The following PRKAR2B variants were observed in gnomAD, a reference collection of about 807,000 sequenced individuals.
PRKAR2B encodes protein kinase cAMP-dependent type II regulatory subunit beta.
A neutral mutation model predicts 49.9 loss-of-function variants in PRKAR2B; 14 were observed. The ratio of observed to expected loss-of-function variants is 0.28; its 90% CI spans 0.19 to 0.44. The LOEUF (loss-of-function observed/expected upper bound fraction) is 0.44, where lower values mean the gene tolerates loss of function less well. PRKAR2B is among the 20% of genes least tolerant of loss of function. The pLI, the probability that PRKAR2B is intolerant of heterozygous loss-of-function variation, is 1.00. For synonymous variants in PRKAR2B, 196 were observed against 197.7 expected (o/e 0.99, Z 0.07); for missense variants, 393 against 537.9 (o/e 0.73, Z 2.67).
chr7:107,157,521 AT>A (rs1796116054), intron 10 of PRKAR2B, among the ~76,000 whole-genome samples, 197 bp downstream of exon 10: 1 of 152,166 alleles, frequency 6.6e-6, no homozygotes, highest in South Asian at 2.1e-4. Flanking sequence ...ATCCAGATAC[AT>A]TTTGCTCTTC....
At chr7:107,150,008 A>G (rs1364424205) in intron 6 of PRKAR2B, among the ~76,000 whole-genome samples, 2 of 152,136 alleles carry the variant, frequency 1.3e-5, no homozygotes, top group African/African-American at 4.8e-5. Context: ...ATTAAAAATA[A>G]AAGTAAAAAA....
At chr7:107,081,469 G>A (rs900379570) in intron 2 of PRKAR2B, among the ~76,000 whole-genome samples, 3 of 130,218 alleles carry the variant, frequency 2.3e-5, no homozygotes, top group Admixed American at 9.0e-5. Context: ...GAGAATGTTA[G>A]TCTCATCTCT....
intron 5 of PRKAR2B, among the ~76,000 whole-genome samples, chr7:107,143,233 C>A (rs1445372770): frequency 6.6e-6 from 1 of 152,190 alleles, no homozygotes; most frequent in East Asian, 1.9e-4. Context: ...AGAGTTTAAT[C>A]TGTACAGCAT....
chr7:107,140,623 G>A (rs6971393), intron 4 of PRKAR2B, among the ~76,000 whole-genome samples: 13,623 of 152,110 alleles, frequency 0.09, 666 homozygotes, highest in Middle Eastern at 0.17. Flanking sequence ...TTCTAAAATA[G>A]ACTAATTATA....
chr7:107,120,863 A>C (rs1795374171), intron 2 of PRKAR2B, among the ~76,000 whole-genome samples: 1 of 151,952 alleles, frequency 6.6e-6, no homozygotes, highest in Admixed American at 6.6e-5. Context: ...GGTATGAAAA[A>C]ACTAATTTAA....
At chr7:107,063,778 T>C (rs1189673111) in intron 1 of PRKAR2B, among the ~76,000 whole-genome samples, 3 of 152,338 alleles carry the variant, frequency 2.0e-5, no homozygotes, top group East Asian at 3.9e-4. Context: ...CTCCTGCCTT[T>C]TCCCATTTGT....
At chr7:107,154,113 G>C (rs773747637) in intron 8 of PRKAR2B, among the ~76,000 whole-genome samples, 3 of 152,106 alleles carry the variant, frequency 2.0e-5, no homozygotes, top group Non-Finnish European at 4.4e-5. Flanking sequence ...AGAGCAGTCA[G>C]GGATTGGGAA....
At chr7:107,093,790 C>T (rs1342618998) in intron 2 of PRKAR2B, among the ~76,000 whole-genome samples, 3 of 151,748 alleles carry the variant, frequency 2.0e-5, no homozygotes, top group Admixed American at 2.0e-4. Flanking sequence ...CGATAGTTTG[C>T]TCAGAATGAT....
Position 107,046,122 on chromosome 7 carries a change from G to A in PRKAR2B, c.307+908G>A, listed in dbSNP as rs147257333. ...GCTCCTGGCAAGTCCCACCCCTTCT[G>A]CTTACAACCCTCTTTCCCTAACACA... On this transcript the variant is annotated intron_variant, in intron 1 of 10. Transcript: ENST00000265717. Among the ~76,000 whole-genome samples the A allele has an allele frequency of 3.9e-3, 595 of 152,076 alleles. 3 individuals carry two copies. The highest frequency in any genetic ancestry group is 0.013 in the African/African-American group (560 of 41,488).
intron 6 of PRKAR2B, among the ~76,000 whole-genome samples, chr7:107,149,293 A>G (rs1339206339): frequency 6.6e-6 from 1 of 152,222 alleles, no homozygotes; most frequent in Admixed American, 6.5e-5. Context: ...AGCCAATACC[A>G]AATTGGGAAA....
At chr7:107,153,378 TC>T (rs1796023952) in intron 8 of PRKAR2B, 127 bp downstream of exon 8, 3 of 554,172 alleles carry the variant, frequency 5.4e-6, no homozygotes, top group Non-Finnish European at 8.9e-6. Flanking sequence ...AAATATTACT[TC>T]TACCAAATGA....
At chr7:107,111,912 A>G (rs1453579273) in intron 2 of PRKAR2B, among the ~76,000 whole-genome samples, 1 of 149,790 alleles carries the variant, frequency 6.7e-6, no homozygotes, top group Non-Finnish European at 1.5e-5. Flanking sequence ...CATGCCAGTA[A>G]TCGTAGCATG....
chr7:107,066,301 G>GGTGTGTGTGTGTGTGTGTGT lies in PRKAR2B; in HGVS notation c.308-3967_308-3948dup, dbSNP rs3074837. Among the ~76,000 whole-genome samples the GGTGTGTGTGTGTGTGTGTGT allele has an allele frequency of 4.2e-4, 61 of 145,602 alleles. 1 individual carries two copies. Among genetic ancestry groups the GGTGTGTGTGTGTGTGTGTGT allele is most frequent in the African/African-American group, 1.4e-3 (55 of 38,632 alleles). On this transcript the variant is annotated intron_variant, in intron 1 of 10. Coordinates refer to ENST00000265717, the MANE Select transcript of PRKAR2B (RefSeq NM_002736.3). ...AGTCTCTAGTTTTCTCTCTATGTGGGGTGTGTGTGTGTGTGTGTGTGTGTG... is the reference window on the plus strand; with the variant it reads ...AGTCTCTAGTTTTCTCTCTATGTGGGGTGTGTGTGTGTGTGTGTGTGTGTGTGTGTGTGTGTGTGTGTGTG...
chr7:107,117,974 A>G (rs2095142815), intron 2 of PRKAR2B, among the ~76,000 whole-genome samples: 2 of 152,250 alleles, frequency 1.3e-5, no homozygotes, highest in African/African-American at 4.8e-5. Flanking sequence ...AGATTCACTT[A>G]AAGAATAAGA....
intron 2 of PRKAR2B, among the ~76,000 whole-genome samples, chr7:107,094,351 G>T (rs1215923559): frequency 1.3e-5 from 2 of 152,104 alleles, no homozygotes; most frequent in African/African-American, 2.4e-5. Context: ...TTTTGATGGG[G>T]TTTTTTGATT....
chr7:107,136,658 C>G (rs1795707127), intron 4 of PRKAR2B, among the ~76,000 whole-genome samples: 1 of 152,200 alleles, frequency 6.6e-6, no homozygotes, highest in African/African-American at 2.4e-5. Context: ...ACTGACAACA[C>G]CAAATGCTGG....
intron 2 of PRKAR2B, among the ~76,000 whole-genome samples, chr7:107,105,108 T>G (rs1795048705): frequency 6.6e-6 from 1 of 152,216 alleles, no homozygotes; most frequent in Non-Finnish European, 1.5e-5. Flanking sequence ...CAAAAATTAT[T>G]GTTTTTTTCC....
chr7:107,148,290 T>C (rs1795927547), intron 6 of PRKAR2B, among the ~76,000 whole-genome samples: 1 of 152,192 alleles, frequency 6.6e-6, no homozygotes. Context: ...GATTGTCAGA[T>C]TGTCACACAG....
chr7:107,123,238 G>A (rs912250912), intron 3 of PRKAR2B, among the ~76,000 whole-genome samples: 7 of 152,150 alleles, frequency 4.6e-5, no homozygotes, highest in African/African-American at 1.7e-4. Flanking sequence ...AAAACAATAT[G>A]CAGTATCTCA....
Sources: allele counts gnomAD v4.1 joint callset (sites outside exome capture counted in the v4.1 genomes callset), GRCh38; gene constraint gnomAD v4.1.1; transcripts MANE v1.5; gene names NCBI Gene and HGNC (gene_info 2026-07-23, HGNC 2026-07-21).